The following STARD10 variants were observed in gnomAD, a reference collection of about 807,000 sequenced individuals.
STARD10 encodes START domain-containing protein 10.
Under a neutral mutation model 36.0 loss-of-function variants are expected in STARD10, and 24 were observed. The observed-to-expected ratio is 0.67, with a 90% CI of 0.48 to 0.94. The LOEUF (loss-of-function observed/expected upper bound fraction) is 0.94. Ranked by LOEUF, STARD10 falls within the 40% of genes least tolerant of loss-of-function variation. STARD10 has a pLI of 0.00. For synonymous variants in STARD10, 156 were observed against 161.9 expected (o/e 0.96, Z 0.28); for missense variants, 335 against 396.6 (o/e 0.84, Z 1.32).
intron 1 of STARD10, among the ~76,000 whole-genome samples, chr11:72,791,980 T>G (rs1243276865): frequency 6.6e-6 from 1 of 151,626 alleles, no homozygotes; most frequent in African/African-American, 2.4e-5. Flanking sequence ...GTTCAAGCGA[T>G]TCTTCTGCCT....
At chr11:72,772,494 A>T (rs1241603507) in intron 2 of STARD10, among the ~76,000 whole-genome samples, 2 of 152,074 alleles carry the variant, frequency 1.3e-5, no homozygotes, top group East Asian at 3.9e-4. Context: ...CTCGGCCACA[A>T]CCTTCCCAGC....
At chr11:72,773,471 T>C (rs1457761583) in intron 2 of STARD10, among the ~76,000 whole-genome samples, 1 of 152,196 alleles carries the variant, frequency 6.6e-6, no homozygotes, top group African/African-American at 2.4e-5. Context: ...ACAACTCTGC[T>C]TCTGCAGTGA....
intron 2 of STARD10, among the ~76,000 whole-genome samples, chr11:72,765,303 G>T (rs1404431223): frequency 1.3e-5 from 2 of 151,386 alleles, no homozygotes; most frequent in South Asian, 4.2e-4. Flanking sequence ...ACTGAGGCCA[G>T]GGGGAGCAAG....
Position 72,759,306 on chromosome 11 carries a change from A to G in STARD10, c.283T>C (p.Trp95Arg). The G allele has an allele frequency of 1.2e-6, 2 of 1,613,972 alleles. No individual in the cohort carries two copies. Among genetic ancestry groups the G allele is most frequent in the East Asian group, 2.2e-5 (1 of 44,872 alleles). ...AAAGTCTCAATGACGTTGCTGTCCC[A>G]TTTCTTGCGGTACTCAATGTCGTGT... Reference protein sequence around the residue: ...VLHDIEYRKKWDSNVIETFDI... With the variant: ...VLHDIEYRKKRDSNVIETFDI... Residue 95 changes from tryptophan (W) to arginine (R), a missense_variant, in exon 3 of 7, where the codon TGG (tryptophan) becomes CGG (arginine). Transcript: ENST00000334805.
chr11:72,783,454 A>C (rs914247499), intron 1 of STARD10: 1 of 152,182 alleles, frequency 6.6e-6, no homozygotes, highest in Non-Finnish European at 1.5e-5. Context: ...CAGGATGCCC[A>C]GGCTCTGATT....
chr11:72,760,417 G>A (rs961231635), intron 2 of STARD10, among the ~76,000 whole-genome samples: 73 of 151,992 alleles, frequency 4.8e-4, no homozygotes, highest in African/African-American at 1.6e-3. Context: ...TAGTAGAGAC[G>A]GGGTTTCACC....
At chr11:72,775,038 G>C (rs376501602) in intron 2 of STARD10, among the ~76,000 whole-genome samples, 2 of 152,178 alleles carry the variant, frequency 1.3e-5, no homozygotes, top group Admixed American at 6.5e-5. Flanking sequence ...TCCCAGCAGG[G>C]ACACAGCCTG....
chr11:72,762,524 A>G (rs1195067595), intron 2 of STARD10, among the ~76,000 whole-genome samples: 1 of 152,064 alleles, frequency 6.6e-6, no homozygotes, highest in Non-Finnish European at 1.5e-5. Context: ...ATAATGGGGC[A>G]TAACTAGATC....
chr11:72,761,062 C>T (rs997818460), intron 2 of STARD10, among the ~76,000 whole-genome samples: 8 of 152,228 alleles, frequency 5.3e-5, no homozygotes, highest in Admixed American at 2.6e-4. Flanking sequence ...TGGTGGGATG[C>T]CGCAGGAAGG....
In STARD10 at chr11:72,755,011, C is replaced by T. The variant is rs1858622726; in HGVS notation, c.762G>A (p.Val254=). The change falls in exon 7 of 7, where the codon GTG becomes GTA. Residue 254 remains valine (V), a synonymous_variant. Transcript: ENST00000334805. ...LPSLALSELS[V]QHADSLENID... is the part of the protein sequence containing the mutation. Reference sequence around the variant, plus strand: ...TGTTCTCCAGTGAGTCCGCATGCTGCACCGACAGCTCCGACAGCGCCAGGC... The same window carrying T: ...TGTTCTCCAGTGAGTCCGCATGCTGTACCGACAGCTCCGACAGCGCCAGGC... The T allele has an allele frequency of 1.2e-6, 2 of 1,613,076 alleles. No individual in the cohort carries two copies. Among genetic ancestry groups the T allele is most frequent in the Non-Finnish European group, 8.5e-7 (1 of 1,179,742 alleles).
At chr11:72,786,694 C>T (rs1859077659) in intron 1 of STARD10, among the ~76,000 whole-genome samples, 1 of 152,134 alleles carries the variant, frequency 6.6e-6, no homozygotes, top group African/African-American at 2.4e-5. Flanking sequence ...CTTGGTATTA[C>T]ACAGGGCCAG....
At chr11:72,780,209 C>G in intron 2 of STARD10, 1 of 438,876 alleles carries the variant, frequency 2.3e-6, no homozygotes. Context: ...ATATGCGTTC[C>G]CAGGGTCCCA....
intron 2 of STARD10, among the ~76,000 whole-genome samples, chr11:72,764,547 A>G (rs1286622043): frequency 9.2e-5 from 14 of 152,238 alleles, no homozygotes; most frequent in Non-Finnish European, 1.9e-4. Context: ...GTAAGTGTCC[A>G]CAGGCCTCCC....
At chr11:72,775,386 T>G (rs1264762129) in intron 2 of STARD10, among the ~76,000 whole-genome samples, 2 of 152,058 alleles carry the variant, frequency 1.3e-5, no homozygotes, top group Non-Finnish European at 2.9e-5. Context: ...CCTCTAAGAC[T>G]CAAGGCGTGG....
chr11:72,789,590 G>T (rs115157019), intron 1 of STARD10, among the ~76,000 whole-genome samples: 1 of 152,200 alleles, frequency 6.6e-6, no homozygotes, highest in African/African-American at 2.4e-5. Context: ...GGCACAGGGG[G>T]TCTGGCCATG....
At chr11:72,758,716 G>A in intron 3 of STARD10, 83 bp from the exon 4 acceptor site, 1 of 970,468 alleles carries the variant, frequency 1.0e-6, no homozygotes. Flanking sequence ...AGAGATGCAG[G>A]GATGCCTAAT....
At position 72,768,017 on chromosome 11, in the gene STARD10, C is replaced by T. The variant is rs74495520; in HGVS notation, c.208-8636G>A. On this transcript the variant is annotated intron_variant, in intron 2 of 6. Coordinates refer to ENST00000334805, the MANE Select transcript of STARD10 (RefSeq NM_006645.3). ...ACTAACCCCCAAAGGACAGGACACA[C>T]AAGGACAACAAGGAACAAAGTTTAA... is the stretch of plus-strand genomic sequence containing the variant. 1.5e-3 allele frequency among the ~76,000 whole-genome samples: 230 copies of T among 152,306 alleles called. 5 individuals carry two copies. The East Asian group carries it at 0.041, about 27-fold the overall frequency.
chr11:72,793,471 C>T lies in STARD10; in HGVS notation c.-710G>A, dbSNP rs1859174761. On this transcript the variant is annotated 5_prime_UTR_variant, in exon 1 of 7. Coordinates refer to ENST00000334805, the MANE Select transcript of STARD10 (RefSeq NM_006645.3). ...TGCAGTCCTTGAATCCTGATCCTTC[C>T]CTGGTCCTTTACTCTCTATGATGCT... is the stretch of plus-strand genomic sequence containing the variant. The T allele has an allele frequency of 6.6e-6, 1 of 152,268 alleles. No homozygotes were observed. The highest frequency in any genetic ancestry group is 2.1e-4 in the South Asian group (1 of 4,834). 9.4% of individuals were successfully genotyped at this position (152,268 alleles called of 1,614,324 possible).
intron 2 of STARD10, among the ~76,000 whole-genome samples, chr11:72,761,824 A>T (rs557792039): frequency 6.6e-6 from 1 of 151,808 alleles, no homozygotes; most frequent in African/African-American, 2.4e-5. Flanking sequence ...AGGAAGCACA[A>T]TTGCTAAGGT....
Sources: allele counts gnomAD v4.1 joint callset (sites outside exome capture counted in the v4.1 genomes callset), GRCh38; gene constraint gnomAD v4.1.1; transcripts MANE v1.5; gene names NCBI Gene and HGNC (gene_info 2026-07-23, HGNC 2026-07-21).